Variants in UTRN observed in about 807,000 individuals in gnomAD.
UTRN encodes the protein utrophin, also known as dystrophin-related protein 1.
Under a neutral mutation model 463.9 loss-of-function variants are expected in UTRN, and 283 were observed. The ratio of observed to expected loss-of-function variants is 0.61; its 90% CI spans 0.55 to 0.67. The LOEUF (loss-of-function observed/expected upper bound fraction) is 0.67. Ranked by LOEUF, UTRN falls within the 30% of genes least tolerant of loss-of-function variation. The pLI is 0.00. For missense variants in UTRN, 3,922 were observed against 4,084.3 expected, an observed-to-expected ratio of 0.96 and a Z score of 1.08; for synonymous variants, 1,442 against 1,431.5, an observed-to-expected ratio of 1.01 and a Z score of -0.17.
chr6:144,777,054 T>C (rs1326199463), intron 60 of UTRN, among the ~76,000 whole-genome samples: 2 of 152,190 alleles, frequency 1.3e-5, no homozygotes, highest in Admixed American at 6.5e-5. Flanking sequence ...TATTAGTTAT[T>C]GTTTGCTTCT....
intron 3 of UTRN, among the ~76,000 whole-genome samples, chr6:144,414,902 A>T (rs1283507332): frequency 6.6e-6 from 1 of 152,090 alleles, no homozygotes; most frequent in Non-Finnish European, 1.5e-5. Context: ...TTTAGGAGAG[A>T]TGGGTTTCAC....
intron 41 of UTRN, among the ~76,000 whole-genome samples, chr6:144,529,240 G>A (rs546338725): frequency 1.3e-5 from 2 of 152,268 alleles, no homozygotes; most frequent in South Asian, 4.2e-4. Flanking sequence ...TTGAGAACTT[G>A]CCCCAGGTGA....
chr6:144,557,848 A>G (rs1799529466), intron 50 of UTRN, among the ~76,000 whole-genome samples: 1 of 152,182 alleles, frequency 6.6e-6, no homozygotes, highest in African/African-American at 2.4e-5. Flanking sequence ...GAACAGCCCA[A>G]AATAGAATAT....
At chr6:144,401,958 G>T (rs949144834) in intron 2 of UTRN, among the ~76,000 whole-genome samples, 3 of 152,194 alleles carry the variant, frequency 2.0e-5, no homozygotes, top group Non-Finnish European at 2.9e-5. Flanking sequence ...CACACATATG[G>T]ATGGAGCCAC....
chr6:144,824,598 A>C (rs1417263598), intron 66 of UTRN, among the ~76,000 whole-genome samples: 4,220 of 47,574 alleles, frequency 0.089, 295 homozygotes, highest in East Asian at 0.47. Context: ...ATATATATAT[A>C]TATATATATA....
At chr6:144,343,363 A>AACACACACACACACACACAC (rs3061626) in intron 2 of UTRN, among the ~76,000 whole-genome samples, 11 of 135,330 alleles carry the variant, frequency 8.1e-5, no homozygotes, top group African/African-American at 2.6e-4. Context: ...GTCTCTACTA[A>AACACACACACACACACACAC]ACACACACAC....
At chr6:144,560,213 T>C (rs1465003404) in intron 50 of UTRN, among the ~76,000 whole-genome samples, 1 of 152,130 alleles carries the variant, frequency 6.6e-6, no homozygotes, top group Non-Finnish European at 1.5e-5. Context: ...AGAGTTGGGA[T>C]TGGAATTCAA....
chr6:144,760,251 G>A (rs535944149), intron 58 of UTRN, among the ~76,000 whole-genome samples: 1 of 152,210 alleles, frequency 6.6e-6, no homozygotes, highest in East Asian at 1.9e-4. Flanking sequence ...TTATGGGGCA[G>A]ATTGGTAGAA....
intron 25 of UTRN, among the ~76,000 whole-genome samples, chr6:144,478,643 T>C (rs770391587): frequency 2.4e-4 from 37 of 152,186 alleles, no homozygotes; most frequent in Non-Finnish European, 2.8e-4. Context: ...GTCTCTTGCT[T>C]AACTCTAACT....
intron 51 of UTRN, among the ~76,000 whole-genome samples, chr6:144,596,871 A>G (rs1803701096): frequency 6.6e-6 from 1 of 152,188 alleles, no homozygotes; most frequent in South Asian, 2.1e-4. Context: ...TGAGCATCAT[A>G]AAAGAACTTG....
intron 51 of UTRN, among the ~76,000 whole-genome samples, chr6:144,602,092 A>G (rs1189329570): frequency 6.6e-6 from 1 of 152,134 alleles, no homozygotes; most frequent in Non-Finnish European, 1.5e-5. Flanking sequence ...ATCATGAGTC[A>G]ATTGATATAA....
chr6:144,550,732 C>A (rs879893226), intron 47 of UTRN, among the ~76,000 whole-genome samples: 2 of 152,100 alleles, frequency 1.3e-5, no homozygotes, highest in African/African-American at 2.4e-5. Flanking sequence ...AACAAAAACA[C>A]AGAGAGGTAA....
At chr6:144,341,644 A>G (rs1167746330) in intron 2 of UTRN, among the ~76,000 whole-genome samples, 1 of 152,208 alleles carries the variant, frequency 6.6e-6, no homozygotes, top group Non-Finnish European at 1.5e-5. Flanking sequence ...AGTTATGACT[A>G]TTTACTGACA....
intron 41 of UTRN, 150 bp from the exon 42 acceptor site, chr6:144,530,902 G>T: frequency 1.2e-6 from 1 of 812,606 alleles, no homozygotes; most frequent in Non-Finnish European, 1.9e-6. Context: ...ATCCCACTAC[G>T]AAAATTGGTT....
chr6:144,321,461 CTTTTT>C (rs529134208), intron 2 of UTRN, among the ~76,000 whole-genome samples: 1 of 100,456 alleles, frequency 1.0e-5, no homozygotes, highest in African/African-American at 3.6e-5. Flanking sequence ...TGTGCCATAT[CTTTTT>C]TTTTTTTTTT....
chr6:144,772,174 C>T (rs928197367), intron 59 of UTRN, among the ~76,000 whole-genome samples: 1 of 151,380 alleles, frequency 6.6e-6, no homozygotes, highest in Non-Finnish European at 1.5e-5. Flanking sequence ...GCTGGGACTA[C>T]AGGCGCCCGC....
chr6:144,804,961 G>T (rs1210275572), intron 65 of UTRN, among the ~76,000 whole-genome samples: 1 of 152,118 alleles, frequency 6.6e-6, no homozygotes, highest in East Asian at 1.9e-4. Context: ...CGCTTTAAGG[G>T]GTCAGACGCC....
chr6:144,491,074 T>C lies in UTRN; in HGVS notation c.4409T>C (p.Val1470Ala). ...VLDVKDVDPD[V>A]IQTHLDKCMK... ...GATGTGAAGGACGTAGACCCTGACG[T>C]CATACAGACGCACCTGGACAAGTGT... The change falls in exon 32 of 75, where the codon GTC becomes GCC. Residue 1470 changes from valine to alanine, a missense_variant. Around this residue, in one of 3 missense-constraint regions of UTRN, gnomAD observed 2,349 missense variants for 2,303.8 expected, o/e 1.02. Coordinates refer to ENST00000367545, the MANE Select transcript of UTRN (RefSeq NM_007124.3). The C allele has an allele frequency of 6.2e-7, 1 of 1,611,518 alleles. No homozygotes were observed.
chr6:144,558,914 G>A (rs780809918), intron 50 of UTRN, among the ~76,000 whole-genome samples: 5 of 152,172 alleles, frequency 3.3e-5, no homozygotes, highest in Non-Finnish European at 7.4e-5. Context: ...CAGTAAGTAC[G>A]ATGAATAAAA....
Sources: allele counts gnomAD v4.1 joint callset (sites outside exome capture counted in the v4.1 genomes callset), GRCh38; gene constraint gnomAD v4.1.1; regional missense constraint gnomAD v4.1.1; transcripts MANE v1.5; gene names NCBI Gene and HGNC (gene_info 2026-07-23, HGNC 2026-07-21).